The following ATP8B4 variants were observed in gnomAD, a reference collection of about 807,000 sequenced individuals.
ATP8B4 encodes ATPase phospholipid transporting 8B4 (putative), also known as probable phospholipid-transporting ATPase IM.
A neutral mutation model predicts 145.6 loss-of-function variants in ATP8B4; 133 were observed. The observed-to-expected ratio is 0.91, with a 90% CI of 0.79 to 1.05. ATP8B4 has a LOEUF of 1.05. ATP8B4 is among the 50% of genes least tolerant of loss of function. ATP8B4 has a pLI of 0.00. For missense variants in ATP8B4, 1,458 were observed against 1,425.2 expected (o/e 1.02, Z -0.37); for synonymous variants, 507 against 492.9 (o/e 1.03, Z -0.38).
intron 26 of ATP8B4, among the ~76,000 whole-genome samples, chr15:49,863,636 G>A (rs1020173695): frequency 5.3e-5 from 8 of 152,142 alleles, no homozygotes; most frequent in African/African-American, 1.9e-4. Context: ...TTTAGAGACA[G>A]GAATCTGCCT....
At chr15:50,151,674 C>T (rs1349551325) in intron 1 of ATP8B4, among the ~76,000 whole-genome samples, 3 of 148,938 alleles carry the variant, frequency 2.0e-5, no homozygotes, top group Non-Finnish European at 4.4e-5. Context: ...CACTTAAGCC[C>T]AGGATGTGGA....
In ATP8B4 at chr15:49,918,941, C is replaced by T. The variant is rs1481060894; in HGVS notation, c.1933G>A (p.Ala645Thr). ...EIERDLMLLG[A>T]TAVEDKLQEG... ...TGTAACTTATCTTCTACAGCAGTGG[C>T]ACCTAGTAGCTTTATTGAAAAAGAG... is the stretch of plus-strand genomic sequence containing the variant. The change falls in exon 19 of 28, where the codon GCC becomes ACC. Residue 645 changes from alanine to threonine, a missense_variant. Ala to Thr is a moderately conservative substitution (Grantham distance 58). Coordinates refer to ENST00000284509, the MANE Select transcript of ATP8B4 (RefSeq NM_024837.4). The T allele has an allele frequency of 1.2e-6, 2 of 1,608,804 alleles. No individual in the cohort carries two copies. The highest frequency in any genetic ancestry group is 1.7e-6 in the Non-Finnish European group (2 of 1,176,534).
intron 1 of ATP8B4, among the ~76,000 whole-genome samples, chr15:50,148,969 G>C (rs1343035474): frequency 1.3e-5 from 2 of 152,122 alleles, no homozygotes; most frequent in Non-Finnish European, 2.9e-5. Flanking sequence ...TCATCCATAA[G>C]TACTTAGTAT....
At chr15:50,177,539 T>C (rs190376359) in intron 1 of ATP8B4, among the ~76,000 whole-genome samples, 3 of 152,344 alleles carry the variant, frequency 2.0e-5, no homozygotes, top group Non-Finnish European at 2.9e-5. Context: ...ACATGAACTC[T>C]ACATGGAAGT....
intron 20 of ATP8B4, among the ~76,000 whole-genome samples, chr15:49,906,563 G>C (rs1213476410): frequency 6.6e-6 from 1 of 152,176 alleles, no homozygotes; most frequent in African/African-American, 2.4e-5. Flanking sequence ...GATCTGCAGA[G>C]CCAAATATAG....
At chr15:50,126,478 A>G (rs1490834575) in intron 1 of ATP8B4, among the ~76,000 whole-genome samples, 1 of 152,214 alleles carries the variant, frequency 6.6e-6, no homozygotes, top group African/African-American at 2.4e-5. Flanking sequence ...CTTGTGCAAG[A>G]AAGATTTCCA....
intron 12 of ATP8B4, among the ~76,000 whole-genome samples, chr15:49,975,800 CCTTT>C (rs1361172036): frequency 2.0e-5 from 3 of 152,004 alleles, no homozygotes; most frequent in African/African-American, 7.2e-5. Flanking sequence ...CTGTGTTCTT[CCTTT>C]CTAATAGGTT....
At chr15:50,046,328 G>C (rs1328020083) in intron 4 of ATP8B4, among the ~76,000 whole-genome samples, 1 of 151,404 alleles carries the variant, frequency 6.6e-6, no homozygotes, top group African/African-American at 2.4e-5. Flanking sequence ...TCTCTGACTT[G>C]AGTTGAAACC....
intron 6 of ATP8B4, among the ~76,000 whole-genome samples, chr15:50,034,697 G>C (rs2050705890): frequency 6.6e-6 from 1 of 152,220 alleles, no homozygotes; most frequent in African/African-American, 2.4e-5. Context: ...TAATTGCTCT[G>C]GGCTGTAAAT....
rs1483779704 is a variant in ATP8B4, at chr15:49,979,649, G to C, written c.1002C>G (p.Leu334=). ...ATAAGGAAATGGGTACAACTGTATT[G>C]AGAATAATAATATATGACCAGAATG... ...FLTFWSYIII[L]NTVVPISLYV... Residue 334 remains leucine (L), a synonymous_variant, in exon 12 of 28, where the codon CTC becomes CTG. Transcript: ENST00000284509. 6.3e-7 allele frequency: 1 copy of C among 1,586,622 alleles called. No homozygotes were observed. The highest frequency in any genetic ancestry group is 2.2e-5 in the East Asian group (1 of 44,570).
intron 1 of ATP8B4, among the ~76,000 whole-genome samples, chr15:50,169,928 A>C (rs2044647418): frequency 6.6e-6 from 1 of 152,208 alleles, no homozygotes; most frequent in Admixed American, 6.5e-5. Flanking sequence ...AAAGAAAAAG[A>C]AATTCAGAGC....
intron 6 of ATP8B4, among the ~76,000 whole-genome samples, chr15:50,021,872 T>C (rs193108421): frequency 2.0e-4 from 30 of 152,304 alleles, no homozygotes; most frequent in Admixed American, 3.9e-4. Context: ...ACAGATTAGC[T>C]ATTTATGTGA....
At chr15:50,023,099 T>C (rs2049713960) in intron 6 of ATP8B4, among the ~76,000 whole-genome samples, 2 of 152,132 alleles carry the variant, frequency 1.3e-5, no homozygotes, top group Non-Finnish European at 2.9e-5. Context: ...CAGGATGAAG[T>C]TTTTCTGCTT....
At chr15:49,963,154 A>G (rs2081733717) in intron 13 of ATP8B4, among the ~76,000 whole-genome samples, 1 of 152,220 alleles carries the variant, frequency 6.6e-6, no homozygotes, top group African/African-American at 2.4e-5. Flanking sequence ...GGGGACAACA[A>G]AAATATGAAA....
At chr15:50,175,899 G>A (rs766684353) in intron 1 of ATP8B4, among the ~76,000 whole-genome samples, 8 of 152,072 alleles carry the variant, frequency 5.3e-5, no homozygotes, top group Non-Finnish European at 7.4e-5. Flanking sequence ...ACTTGCACAC[G>A]CATGTTTATA....
At chr15:50,013,024 T>C (rs1002976307) in intron 6 of ATP8B4, among the ~76,000 whole-genome samples, 7 of 152,126 alleles carry the variant, frequency 4.6e-5, no homozygotes, top group Admixed American at 3.9e-4. Context: ...TATAAACAAA[T>C]TTAAATAATC....
At chr15:49,951,542 TTTC>T (rs2043105036) in intron 14 of ATP8B4, among the ~76,000 whole-genome samples, 1 of 152,152 alleles carries the variant, frequency 6.6e-6, no homozygotes, top group Admixed American at 6.5e-5. Flanking sequence ...TGCTTTCCAT[TTTC>T]TTGATAAATT....
chr15:50,045,967 G>A (rs866057182), intron 4 of ATP8B4, among the ~76,000 whole-genome samples: 8 of 152,182 alleles, frequency 5.3e-5, no homozygotes, highest in South Asian at 2.1e-4. Flanking sequence ...CAAATAGTAA[G>A]ATGTTTATTC....
At chr15:50,013,131 C>A (rs1412736790) in intron 6 of ATP8B4, among the ~76,000 whole-genome samples, 6 of 152,218 alleles carry the variant, frequency 3.9e-5, no homozygotes. Context: ...GAGGGTCAGA[C>A]AAAATGATTT....
Sources: gnomAD v4.1 joint callset for allele counts (sites outside exome capture counted in the v4.1 genomes callset) on GRCh38, gnomAD v4.1.1 for gene constraint, MANE v1.5 for transcripts, NCBI Gene and HGNC (gene_info 2026-07-23, HGNC 2026-07-21) for gene names.